CCDC85A: variants seen among roughly 807,000 people sequenced by gnomAD.
CCDC85A encodes coiled-coil domain containing 85A, also known as coiled-coil domain-containing protein 85A.
A neutral mutation model predicts 50.2 loss-of-function variants in CCDC85A; 38 were observed. That is an observed-to-expected ratio of 0.76 (90% CI 0.58 to 0.99). The LOEUF (loss-of-function observed/expected upper bound fraction) is 0.99. Among genes scored for constraint, CCDC85A ranks in the 50% least tolerant of loss-of-function variants. The pLI is 0.00. For synonymous variants in CCDC85A, 366 were observed against 301.4 expected, an observed-to-expected ratio of 1.21 and a Z score of -2.22; for missense variants, 820 against 742.0, an observed-to-expected ratio of 1.11 and a Z score of -1.22.
chr2:56,214,722 A>G lies in CCDC85A; in HGVS notation c.1240+21282A>G, dbSNP rs187223384. ...GGTCTGTTTCTGAGCTCTGTGTCCT[A>G]TTTCACTGACATATGTGTTTGTTCT... On this transcript the variant is annotated intron_variant, in intron 2 of 5. Transcript: ENST00000407595. Among the ~76,000 whole-genome samples, 27 of 151,986 alleles carry G rather than the reference A, an allele frequency of 1.8e-4. No homozygotes were observed. The East Asian group carries it at 4.7e-3, about 26-fold the overall frequency.
intron 2 of CCDC85A, among the ~76,000 whole-genome samples, chr2:56,289,334 T>C (rs912374558): frequency 3.3e-5 from 5 of 152,158 alleles, no homozygotes; most frequent in African/African-American, 1.2e-4. Flanking sequence ...AGAAAATAGA[T>C]CATCCAACAT....
chr2:56,319,854 C>G (rs1673087827), intron 2 of CCDC85A, among the ~76,000 whole-genome samples: 1 of 152,102 alleles, frequency 6.6e-6, no homozygotes, highest in Non-Finnish European at 1.5e-5. Flanking sequence ...GAGACCACAT[C>G]ACACTTATTC....
At chr2:56,222,400 T>G (rs2103910394) in intron 2 of CCDC85A, among the ~76,000 whole-genome samples, 1 of 152,286 alleles carries the variant, frequency 6.6e-6, no homozygotes, top group Non-Finnish European at 1.5e-5. Context: ...GAGTAACCCA[T>G]TATGCCATAT....
At chr2:56,260,289 G>C (rs1262592368) in intron 2 of CCDC85A, among the ~76,000 whole-genome samples, 1 of 152,160 alleles carries the variant, frequency 6.6e-6, no homozygotes, top group African/African-American at 2.4e-5. Context: ...TGATTTTGTT[G>C]AGCTTGGTTT....
In CCDC85A at chr2:56,372,563, G is replaced by T. The variant is rs77208414; in HGVS notation, c.1452+85G>T. ...GCTAGAGAAAAAGTTATACTGGGGGGTAGAAAACAAGTTCATACACATGAA... is the reference window on the plus strand; with the variant it reads ...GCTAGAGAAAAAGTTATACTGGGGGTTAGAAAACAAGTTCATACACATGAA... On this transcript the variant is annotated intron_variant, in intron 4 of 5. Transcript: ENST00000407595. 5.1e-3 allele frequency: 6,874 copies of T among 1,346,860 alleles called. 21 individuals carry two copies. Among genetic ancestry groups the T allele is most frequent in the Non-Finnish European group, 5.7e-3 (5,872 of 1,028,172 alleles). 83.4% of individuals were successfully genotyped at this position (1,346,860 alleles called of 1,614,324 possible).
At chr2:56,276,539 G>A (rs11899236) in intron 2 of CCDC85A, among the ~76,000 whole-genome samples, 37,688 of 151,898 alleles carry the variant, frequency 0.25, 5,003 homozygotes, top group South Asian at 0.36. Context: ...ATGGTTTCAT[G>A]AGGGGAAACC....
chr2:56,347,375 G>A (rs1304070527), intron 3 of CCDC85A, among the ~76,000 whole-genome samples: 1 of 152,146 alleles, frequency 6.6e-6, no homozygotes, highest in African/African-American at 2.4e-5. Flanking sequence ...ATATGATTCA[G>A]TGTAATTAAG....
intron 2 of CCDC85A, among the ~76,000 whole-genome samples, chr2:56,264,598 GTC>G (rs1255354507): frequency 6.6e-6 from 1 of 152,132 alleles, no homozygotes; most frequent in Non-Finnish European, 1.5e-5. Flanking sequence ...CTTTGAACTG[GTC>G]TCCATGCTTC....
rs564292152 is a variant in CCDC85A, at chr2:56,239,716, G to C, written c.1240+46276G>C. ...AAGTAAAGTTTATTTCTGGGAATTA[G>C]AGTTTGAAAAAGGCATGTTCTGCCC... On this transcript the variant is annotated intron_variant, in intron 2 of 5. Coordinates refer to ENST00000407595, the MANE Select transcript of CCDC85A (RefSeq NM_001080433.2). Among the ~76,000 whole-genome samples, 4 of 152,264 alleles carry C rather than the reference G, an allele frequency of 2.6e-5. No individual in the cohort carries two copies. The South Asian group carries it at 8.3e-4, about 32-fold the overall frequency.
At position 56,372,353 on chromosome 2, in the gene CCDC85A, A is replaced by T. The variant is rs1356990833; in HGVS notation, c.1327A>T (p.Asn443Tyr). 6.3e-7 allele frequency: 1 copy of T among 1,580,298 alleles called. No homozygotes were observed. Among genetic ancestry groups the T allele is most frequent in the Non-Finnish European group, 8.6e-7 (1 of 1,162,554 alleles). ...ENRMLPQASQ[N>Y]RRQPPTRNSS... ...TTGTTCCAAATATAAGGCCAGCCAG[A>T]ATAGAAGGCAACCTCCAACTAGAAA... is the stretch of plus-strand genomic sequence containing the variant. Residue 443 changes from asparagine to tyrosine, a missense_variant, in exon 4 of 6, where the codon AAT becomes TAT. By Grantham distance (143) the Asn-to-Tyr change is moderately radical. Coordinates refer to ENST00000407595, the MANE Select transcript of CCDC85A (RefSeq NM_001080433.2).
At chr2:56,288,639 G>A (rs1028418705) in intron 2 of CCDC85A, among the ~76,000 whole-genome samples, 29 of 152,004 alleles carry the variant, frequency 1.9e-4, no homozygotes, top group Non-Finnish European at 3.5e-4. Flanking sequence ...CCAACACACC[G>A]ATAGAGAAAT....
chr2:56,225,116 CATTT>C (rs1668489355), intron 2 of CCDC85A, among the ~76,000 whole-genome samples: 1 of 150,730 alleles, frequency 6.6e-6, no homozygotes, highest in East Asian at 2.0e-4. Flanking sequence ...AGTGCAAATT[CATTT>C]GTTTGTGTGT....
At chr2:56,355,532 T>G (rs1191409652) in intron 3 of CCDC85A, among the ~76,000 whole-genome samples, 1 of 152,186 alleles carries the variant, frequency 6.6e-6, no homozygotes, top group Non-Finnish European at 1.5e-5. Flanking sequence ...GAAGCCCTCT[T>G]TCAGAATTTT....
At chr2:56,187,155 A>G (rs1676082980) in intron 1 of CCDC85A, among the ~76,000 whole-genome samples, 1 of 152,102 alleles carries the variant, frequency 6.6e-6, no homozygotes, top group African/African-American at 2.4e-5. Flanking sequence ...TGATGGGTAC[A>G]TATATTTATT....
intron 2 of CCDC85A, among the ~76,000 whole-genome samples, chr2:56,335,086 G>C (rs1427059312): frequency 6.6e-6 from 1 of 152,182 alleles, no homozygotes; most frequent in African/African-American, 2.4e-5. Context: ...ATCTGAAAGT[G>C]CTGGTTCCAA....
At chr2:56,326,117 C>G (rs1455228852) in intron 2 of CCDC85A, among the ~76,000 whole-genome samples, 1 of 152,080 alleles carries the variant, frequency 6.6e-6, no homozygotes, top group Non-Finnish European at 1.5e-5. Context: ...CATCTATGTT[C>G]TCCAGCAGTG....
chr2:56,285,053 G>T (rs1367480398), intron 2 of CCDC85A, among the ~76,000 whole-genome samples: 1 of 151,258 alleles, frequency 6.6e-6, no homozygotes, highest in Non-Finnish European at 1.5e-5. Context: ...ATCCAGTCTG[G>T]CAGTGTCTGC....
At chr2:56,317,315 T>G (rs1361218187) in intron 2 of CCDC85A, among the ~76,000 whole-genome samples, 1 of 152,146 alleles carries the variant, frequency 6.6e-6, no homozygotes, top group African/African-American at 2.4e-5. Context: ...TAATTGGAGA[T>G]TTACTTTCCA....
intron 3 of CCDC85A, among the ~76,000 whole-genome samples, chr2:56,366,589 A>G (rs954995073): frequency 2.0e-4 from 31 of 152,150 alleles, no homozygotes; most frequent in African/African-American, 6.5e-4. Context: ...TCATTTTTCA[A>G]TTGGGTTGTT....
Sources: gnomAD v4.1 joint callset for allele counts (sites outside exome capture counted in the v4.1 genomes callset) on GRCh38, gnomAD v4.1.1 for gene constraint, MANE v1.5 for transcripts, NCBI Gene and HGNC (gene_info 2026-07-23, HGNC 2026-07-21) for gene names.